PRIMPOL: variants seen among roughly 807,000 people sequenced by gnomAD.
The protein encoded by PRIMPOL is primase and DNA directed polymerase.
Under a neutral mutation model 63.6 loss-of-function variants are expected in PRIMPOL, and 54 were observed. That is an observed-to-expected ratio of 0.85 (90% CI 0.68 to 1.07). The LOEUF is 1.07. PRIMPOL is among the 50% of genes least tolerant of loss of function. The probability of loss-of-function intolerance (pLI) is 0.00; values close to 1 mark genes in which losing one functional copy is unlikely to be tolerated. For synonymous variants in PRIMPOL, 197 were observed against 220.2 expected (o/e 0.89, Z 0.93); for missense variants, 610 against 648.3 (o/e 0.94, Z 0.64).
chr4:184,674,760 TAAGG>T (rs1752825618), intron 7 of PRIMPOL, among the ~76,000 whole-genome samples: 1 of 152,178 alleles, frequency 6.6e-6, no homozygotes, highest in African/African-American at 2.4e-5. Flanking sequence ...AAGAAAATCA[TAAGG>T]AAGAGGGAAC....
intron 6 of PRIMPOL, among the ~76,000 whole-genome samples, chr4:184,668,155 C>T (rs528550787): frequency 1.4e-4 from 22 of 152,302 alleles, no homozygotes; most frequent in East Asian, 9.6e-4. Context: ...TTGTTCTAGA[C>T]GTCAGACCCA....
chr4:184,680,165 A>G (rs960963360), intron 8 of PRIMPOL, among the ~76,000 whole-genome samples: 2 of 148,614 alleles, frequency 1.3e-5, no homozygotes, highest in Non-Finnish European at 3.0e-5. Flanking sequence ...TCAACTTGCC[A>G]TAATTCTTTT....
Position 184,673,331 on chromosome 4 carries a change from G to T in PRIMPOL, c.844+871G>T, listed in dbSNP as rs112102399. Among the ~76,000 whole-genome samples the T allele has an allele frequency of 7.9e-3, 1,198 of 151,244 alleles. 17 individuals carry two copies. Among genetic ancestry groups the T allele is most frequent in the African/African-American group, 0.027 (1,112 of 41,212 alleles). ...TTTTTAGTAGAGACGGGGTTTCACC[G>T]TGTTAGCCAAGATGGTCTCGATCTC... On this transcript the variant is annotated intron_variant, in intron 7 of 13. Coordinates refer to ENST00000314970, the MANE Select transcript of PRIMPOL (RefSeq NM_152683.4).
At chr4:184,657,918 G>A (rs113594479) in intron 3 of PRIMPOL, among the ~76,000 whole-genome samples, 11 of 152,076 alleles carry the variant, frequency 7.2e-5, no homozygotes, top group South Asian at 2.1e-4. Context: ...GCTTGAACCC[G>A]GAAGGCGGAG....
intron 6 of PRIMPOL, among the ~76,000 whole-genome samples, chr4:184,670,308 A>G (rs1190418054): frequency 6.6e-6 from 1 of 152,166 alleles, no homozygotes; most frequent in Non-Finnish European, 1.5e-5. Context: ...TCTGGGGTCA[A>G]GTAGCTGCAA....
intron 6 of PRIMPOL, among the ~76,000 whole-genome samples, chr4:184,669,431 G>A (rs1252087979): frequency 6.6e-6 from 1 of 152,234 alleles, no homozygotes; most frequent in African/African-American, 2.4e-5. Flanking sequence ...AATGAAGCGT[G>A]AATAGTGAGG....
intron 2 of PRIMPOL, among the ~76,000 whole-genome samples, chr4:184,655,358 C>G (rs1004467199): frequency 1.3e-5 from 2 of 149,838 alleles, no homozygotes; most frequent in African/African-American, 4.9e-5. Flanking sequence ...GAGTCTTGCC[C>G]TGTCACCCAG....
In PRIMPOL at chr4:184,691,542, C is replaced by T; in HGVS notation, c.1339C>T (p.His447Tyr). The change falls in exon 12 of 14, where the codon CAT (histidine) becomes TAT (tyrosine). Residue 447 changes from histidine (H) to tyrosine (Y), a missense_variant. Around this residue, in one of 3 missense-constraint regions of PRIMPOL, gnomAD observed 444 missense variants for 456.4 expected, o/e 0.97. Transcript: ENST00000314970. ...AAATGAAGTTTGGTATCAAAAATGTCATGACCCTGTATGTAAAGCAGAAAA... is the reference window on the plus strand; with the variant it reads ...AAATGAAGTTTGGTATCAAAAATGTTATGACCCTGTATGTAAAGCAGAAAA... Reference protein sequence around the residue: ...LKNEVWYQKCHDPVCKAENFK... With the variant: ...LKNEVWYQKCYDPVCKAENFK... 6.2e-7 allele frequency: 1 copy of T among 1,606,540 alleles called. No individual in the cohort carries two copies. Among genetic ancestry groups the T allele is most frequent in the Non-Finnish European group, 8.5e-7 (1 of 1,175,914 alleles).
At chr4:184,671,803 C>T (rs531719482) in intron 6 of PRIMPOL, among the ~76,000 whole-genome samples, 13 of 140,016 alleles carry the variant, frequency 9.3e-5, no homozygotes, top group African/African-American at 1.9e-4. Flanking sequence ...AGTGCAGTGG[C>T]GCGATCTTGG....
At chr4:184,650,323 AAAG>A (rs1418571628) in intron 1 of PRIMPOL, among the ~76,000 whole-genome samples, 3 of 152,236 alleles carry the variant, frequency 2.0e-5, no homozygotes, top group Admixed American at 2.0e-4. Context: ...AAGAAGAGGA[AAAG>A]AAGCCTGGTT....
intron 7 of PRIMPOL, among the ~76,000 whole-genome samples, chr4:184,673,950 G>A (rs1417258593): frequency 2.6e-5 from 4 of 152,154 alleles, no homozygotes; most frequent in Admixed American, 2.0e-4. Flanking sequence ...ACGGGCAGAG[G>A]CACCTTCTTC....
intron 11 of PRIMPOL, among the ~76,000 whole-genome samples, chr4:184,687,976 G>A (rs1306461790): frequency 6.6e-6 from 1 of 152,136 alleles, no homozygotes; most frequent in Non-Finnish European, 1.5e-5. Flanking sequence ...CTTGCCTTGC[G>A]GTAGCATATC....
At chr4:184,694,336 G>A (rs1461414341) in intron 13 of PRIMPOL, 186 bp from the exon 14 acceptor site, 2 of 1,378,074 alleles carry the variant, frequency 1.5e-6, no homozygotes, top group Non-Finnish European at 1.9e-6. Flanking sequence ...GAGCTTCAGT[G>A]CAGCAACGTT....
chr4:184,683,825 T>C (rs1022935028), intron 9 of PRIMPOL, among the ~76,000 whole-genome samples: 1 of 152,176 alleles, frequency 6.6e-6, no homozygotes, highest in African/African-American at 2.4e-5. Flanking sequence ...GCAATCTAAA[T>C]GTACAACAAA....
At chr4:184,663,298 G>A (rs963060720) in intron 5 of PRIMPOL, among the ~76,000 whole-genome samples, 3 of 151,998 alleles carry the variant, frequency 2.0e-5, no homozygotes, top group African/African-American at 7.2e-5. Context: ...ACCCATCTCC[G>A]CCTCCCAAAG....
At chr4:184,653,471 G>C (rs1023581671) in intron 2 of PRIMPOL, among the ~76,000 whole-genome samples, 2 of 152,150 alleles carry the variant, frequency 1.3e-5, no homozygotes, top group Admixed American at 6.5e-5. Context: ...CAAACATTCT[G>C]TGCAATGTTA....
At chr4:184,669,164 T>C (rs187696894) in intron 6 of PRIMPOL, among the ~76,000 whole-genome samples, 65 of 152,338 alleles carry the variant, frequency 4.3e-4, no homozygotes, top group Middle Eastern at 6.8e-3. Context: ...AGCAGTTACA[T>C]GTGCCAGGCA....
At chr4:184,679,958 G>A (rs145636739) in intron 8 of PRIMPOL, among the ~76,000 whole-genome samples, 25 of 152,280 alleles carry the variant, frequency 1.6e-4, no homozygotes, top group East Asian at 7.7e-4. Flanking sequence ...GGGGACTGCC[G>A]TTATAAGGAA....
chr4:184,667,524 A>G (rs544429652), intron 6 of PRIMPOL, among the ~76,000 whole-genome samples: 74 of 152,222 alleles, frequency 4.9e-4, no homozygotes, highest in Non-Finnish European at 6.9e-4. Context: ...GTTAGCCAGG[A>G]TGGTCTTGAT....
Sources: gnomAD v4.1 joint callset for allele counts (sites outside exome capture counted in the v4.1 genomes callset) on GRCh38, gnomAD v4.1.1 for gene constraint, gnomAD v4.1.1 regional missense constraint, MANE v1.5 for transcripts, NCBI Gene and HGNC (gene_info 2026-07-23, HGNC 2026-07-21) for gene names.